Variants in KCNQ1OT1 observed in about 807,000 individuals in gnomAD.
KCNQ1OT1 encodes KCNQ1 antisense RNA 2 (non-protein coding).
At chr11:2,619,086 G>A in exon 1 of KCNQ1OT1, 4 of 398,272 alleles carry the variant, frequency 1.0e-5, no homozygotes, top group South Asian at 1.3e-4. Flanking sequence ...CAGAGTCTTC[G>A]GGGTTTTCTA....
At chr11:2,636,756 C>T (rs1295288984) in exon 1 of KCNQ1OT1, 3 of 152,220 alleles carry the variant, frequency 2.0e-5, no homozygotes, top group Non-Finnish European at 4.4e-5. Flanking sequence ...TTTCAGAAGG[C>T]ATAGTACCAG....
exon 1 of KCNQ1OT1, chr11:2,643,877 G>T: frequency 2.5e-6 from 1 of 398,486 alleles, no homozygotes; most frequent in East Asian, 3.6e-5. Flanking sequence ...AGTATTCCTG[G>T]CTGGCAGGTT....
At chr11:2,639,026 T>A (rs1362868903) in exon 1 of KCNQ1OT1, 1 of 152,264 alleles carries the variant, frequency 6.6e-6, no homozygotes, top group Non-Finnish European at 1.5e-5. Context: ...AGCTTGTGCA[T>A]TTGTCACGTA....
At chr11:2,633,547 A>G in exon 1 of KCNQ1OT1, 1 of 398,500 alleles carries the variant, frequency 2.5e-6, no homozygotes, top group Non-Finnish European at 4.4e-6. Context: ...ATTTTTTTAT[A>G]TGCTGAGAGA....
In KCNQ1OT1 at chr11:2,682,826, T is replaced by C. The variant is rs2283185; in HGVS notation, n.17169A>G. On this transcript the variant is annotated non_coding_transcript_exon_variant, in exon 1 of 1. Coordinates refer to ENST00000597346, the Ensembl canonical transcript of KCNQ1OT1. The surrounding 1 kb of genome is among the most constrained non-coding windows in gnomAD (Gnocchi z 5.8). Reference sequence around the variant, plus strand: ...GACTTGCAGTGATCCTCCTGGGGCCTTGTATAGAAGAGACCATCTCAGTTT... The same window carrying C: ...GACTTGCAGTGATCCTCCTGGGGCCCTGTATAGAAGAGACCATCTCAGTTT... 5,868 of 398,570 alleles carry C rather than the reference T, an allele frequency of 0.015. 204 individuals carry two copies. Among genetic ancestry groups the C allele is most frequent in the East Asian group, 0.097 (2,715 of 28,070 alleles). 24.7% of individuals were successfully genotyped at this position (398,570 alleles called of 1,614,324 possible). A position where few individuals can be genotyped will look rare whatever the true frequency, so the allele number is the denominator to read the frequency against.
Position 2,690,345 on chromosome 11 carries a change from G to A in KCNQ1OT1, n.9650C>T, listed in dbSNP as rs1850568108. ...ATGATGTCAAGTCTGAGGCTGCCCT[G>A]CAGCTGCTGTTTCCACTACTTGGCA... On this transcript the variant is annotated non_coding_transcript_exon_variant, in exon 1 of 1. Coordinates refer to ENST00000597346, the Ensembl canonical transcript of KCNQ1OT1. The surrounding 1 kb of genome is among the most constrained non-coding windows in gnomAD (Gnocchi z 5.1). The A allele has an allele frequency of 2.5e-6, 1 of 398,708 alleles. No individual in the cohort carries two copies. The highest frequency in any genetic ancestry group is 4.4e-6 in the Non-Finnish European group (1 of 226,112). The allele number at this position is 398,708 out of a possible 1,614,324, so 24.7% of individuals were successfully genotyped here. A position where few individuals can be genotyped will look rare whatever the true frequency, so the allele number is the denominator to read the frequency against.
exon 1 of KCNQ1OT1, chr11:2,640,441 A>G (rs1849555264): frequency 2.5e-6 from 1 of 398,438 alleles, no homozygotes; most frequent in African/African-American, 2.1e-5. Context: ...ATGCACCACC[A>G]TGCCTGGATA....
chr11:2,621,543 T>C lies in KCNQ1OT1; in HGVS notation n.78452A>G, dbSNP rs748675183. The stretch of plus-strand genomic sequence containing the variant: ...ATTTCTTTTGCTATGCAGAAGCTCT[T>C]TAGTTTACCACTGTGATCTCTTTGC... On this transcript the variant is annotated non_coding_transcript_exon_variant, in exon 1 of 1. Coordinates refer to ENST00000597346, the Ensembl canonical transcript of KCNQ1OT1. The surrounding 1 kb of genome is among the most constrained non-coding windows in gnomAD (Gnocchi z 5.7). 125 of 398,452 alleles carry C rather than the reference T, an allele frequency of 3.1e-4. No individual in the cohort carries two copies. The highest frequency in any genetic ancestry group is 4.9e-4 in the Non-Finnish European group (111 of 226,054). The allele number at this position is 398,452 out of a possible 1,614,324, so 24.7% of individuals were successfully genotyped here. A position where few individuals can be genotyped will look rare whatever the true frequency, so the allele number is the denominator to read the frequency against.
chr11:2,618,990 T>A, exon 1 of KCNQ1OT1: 1 of 398,378 alleles, frequency 2.5e-6, no homozygotes, highest in East Asian at 3.6e-5. Flanking sequence ...ATTATTTGTG[T>A]ATAGAAATGC....
In KCNQ1OT1 at chr11:2,642,264, T is replaced by C. The variant is rs532259613; in HGVS notation, n.57731A>G. On this transcript the variant is annotated non_coding_transcript_exon_variant, in exon 1 of 1. Transcript: ENST00000597346. This position sits in a 1 kb window ranked among gnomAD's most constrained non-coding sequence, Gnocchi z 4.3. ...CCAATCCATGAGAATGGGATGTTTT[T>C]TGTGTGTTCTTTTCAATTTCTTTCA... 2.3e-5 allele frequency: 9 copies of C among 398,422 alleles called. No individual in the cohort carries two copies. The highest frequency in any genetic ancestry group is 1.8e-4 in the African/African-American group (9 of 48,754). The allele number at this position is 398,422 out of a possible 1,614,324, so 24.7% of individuals were successfully genotyped here.
exon 1 of KCNQ1OT1, chr11:2,685,109 C>CG (rs1262460734): frequency 7.5e-6 from 3 of 398,470 alleles, no homozygotes; most frequent in Non-Finnish European, 1.3e-5. Context: ...CCTTTTGGCA[C>CG]GGGGGGTCTG....
rs182777639 is a variant in KCNQ1OT1 at position 2,655,787 on chromosome 11, G to A, written n.44208C>T. ...GCTCTGGTCACTGCCTCCCTGTGGT[G>A]GAGAAAGCACGCCCCACAGTCTCCA... On this transcript the variant is annotated non_coding_transcript_exon_variant, in exon 1 of 1. Transcript: ENST00000597346. 2.2e-3 allele frequency: 859 copies of A among 398,322 alleles called. 7 individuals carry two copies. The highest frequency in any genetic ancestry group is 0.015 in the African/African-American group (751 of 48,602). 24.7% of individuals were successfully genotyped at this position (398,322 alleles called of 1,614,324 possible).
exon 1 of KCNQ1OT1, chr11:2,630,329 T>A (rs1849332489): frequency 2.5e-6 from 1 of 398,282 alleles, no homozygotes; most frequent in South Asian, 1.3e-4. Context: ...TTGTTGAAAA[T>A]TTTTAAATGT....
In KCNQ1OT1 at chr11:2,658,141, C is replaced by T; in HGVS notation, n.41854G>A. 2.5e-6 allele frequency: 1 copy of T among 398,534 alleles called. No individual in the cohort carries two copies. Among genetic ancestry groups the T allele is most frequent in the East Asian group, 3.6e-5 (1 of 28,078 alleles). 24.7% of individuals were successfully genotyped at this position (398,534 alleles called of 1,614,324 possible). ...AAATCTGCAAATATGTTAAAACTAC[C>T]ACAGCAATTAAAATACATTTCAAGG... On this transcript the variant is annotated non_coding_transcript_exon_variant, in exon 1 of 1. Coordinates refer to ENST00000597346, the Ensembl canonical transcript of KCNQ1OT1. The surrounding 1 kb of genome is among the most constrained non-coding windows in gnomAD (Gnocchi z 4.9).
exon 1 of KCNQ1OT1, chr11:2,685,218 C>G (rs1296378575): frequency 1.0e-5 from 4 of 398,664 alleles, no homozygotes; most frequent in Non-Finnish European, 8.8e-6. Context: ...AGCTCACACA[C>G]GGAGGCACTA....
chr11:2,642,047 G>A lies in KCNQ1OT1; in HGVS notation n.57948C>T. 2.5e-6 allele frequency: 1 copy of A among 398,344 alleles called. No individual in the cohort carries two copies. The highest frequency in any genetic ancestry group is 1.3e-4 in the South Asian group (1 of 7,846). 24.7% of individuals were successfully genotyped at this position (398,344 alleles called of 1,614,324 possible). A position where few individuals can be genotyped will look rare whatever the true frequency, so the allele number is the denominator to read the frequency against. ...GCTATAGCCTTATATTTTTAAATCA[G>A]GCAGTGTGATGCATCCAACTTTGTT... On this transcript the variant is annotated non_coding_transcript_exon_variant, in exon 1 of 1. Transcript: ENST00000597346. The surrounding 1 kb of genome is among the most constrained non-coding windows in gnomAD (Gnocchi z 4.3).
At chr11:2,689,305 C>G in exon 1 of KCNQ1OT1, 1 of 398,684 alleles carries the variant, frequency 2.5e-6, no homozygotes, top group East Asian at 3.6e-5. Flanking sequence ...CCCTAAGACT[C>G]AATGCCACCT....
Position 2,623,790 on chromosome 11 carries a change from A to T in KCNQ1OT1, n.76205T>A. 2.5e-6 allele frequency: 1 copy of T among 398,576 alleles called. No individual in the cohort carries two copies. Among genetic ancestry groups the T allele is most frequent in the South Asian group, 1.3e-4 (1 of 7,860 alleles). 24.7% of individuals were successfully genotyped at this position (398,576 alleles called of 1,614,324 possible). A position where few individuals can be genotyped will look rare whatever the true frequency, so the allele number is the denominator to read the frequency against. On this transcript the variant is annotated non_coding_transcript_exon_variant, in exon 1 of 1. Transcript: ENST00000597346. The surrounding 1 kb of genome is among the most constrained non-coding windows in gnomAD (Gnocchi z 5.2). ...CACCTCCTTTGAGTAAATACCAAGG[A>T]TGTGATTGCTGAACTGCATGGTAAG...
At chr11:2,609,465 CAT>C (rs567551421) in exon 1 of KCNQ1OT1, 57 of 398,398 alleles carry the variant, frequency 1.4e-4, no homozygotes, top group South Asian at 8.9e-4. Flanking sequence ...GAGAATGTCT[CAT>C]GTGCACTTGA....
Sources: allele counts gnomAD v4.1 joint callset, GRCh38; gene constraint gnomAD v4.1.1; non-coding constraint Gnocchi (gnomAD v3.1); transcripts MANE v1.5; gene names NCBI Gene and HGNC (gene_info 2026-07-23, HGNC 2026-07-21).